The following AKAP7 variants were observed in gnomAD, a reference collection of about 807,000 sequenced individuals.
AKAP7 encodes the protein A kinase (PRKA) anchor protein 7.
AKAP7 carries 39 observed loss-of-function variants against 39.5 expected under a neutral mutation model. The ratio of observed to expected loss-of-function variants is 0.99; its 90% CI spans 0.76 to 1.29. The LOEUF (loss-of-function observed/expected upper bound fraction) is 1.29, where lower values mean the gene tolerates loss of function less well. Among genes scored for constraint, AKAP7 ranks in the 50% most tolerant of loss-of-function variants. The probability of loss-of-function intolerance (pLI) is 0.00; values close to 1 mark genes in which losing one functional copy is unlikely to be tolerated. For missense variants in AKAP7, 414 were observed against 407.7 expected (o/e 1.02, Z -0.13); for synonymous variants, 140 against 139.1 (o/e 1.01, Z -0.05).
intron 7 of AKAP7, among the ~76,000 whole-genome samples, chr6:131,234,315 G>C (rs1006666810): frequency 6.6e-6 from 1 of 152,172 alleles, no homozygotes; most frequent in African/African-American, 2.4e-5. Flanking sequence ...TTACTTTGTA[G>C]TGGGAAGTCA....
intron 6 of AKAP7, among the ~76,000 whole-genome samples, chr6:131,200,649 T>C (rs541839752): frequency 6.6e-6 from 1 of 152,288 alleles, no homozygotes; most frequent in East Asian, 1.9e-4. Context: ...CAGAAAGATA[T>C]CTTGCATGGT....
At chr6:131,255,911 AT>A (rs1405164490) in intron 7 of AKAP7, among the ~76,000 whole-genome samples, 1 of 151,542 alleles carries the variant, frequency 6.6e-6, no homozygotes, top group Admixed American at 6.6e-5. Flanking sequence ...CCTCCTCTTA[AT>A]TTATTTAATG....
intron 6 of AKAP7, among the ~76,000 whole-genome samples, chr6:131,213,552 C>T (rs553421376): frequency 3.9e-5 from 6 of 152,178 alleles, no homozygotes; most frequent in South Asian, 2.1e-4. Flanking sequence ...TTGTTACATT[C>T]GAGTGACCAC....
In AKAP7 at chr6:131,241,625, G is replaced by GTATATATATA. The variant is rs1372694997; in HGVS notation, c.850+21818_850+21819insATATATATAT. 3.4e-3 allele frequency among the ~76,000 whole-genome samples: 220 copies of GTATATATATA among 65,286 alleles called. 8 individuals carry two copies. The highest frequency in any genetic ancestry group is 6.0e-3 in the Middle Eastern group (1 of 168). The allele number at this position is 65,286 out of a possible 152,430, so 42.8% of individuals were successfully genotyped here. A position where few individuals can be genotyped will look rare whatever the true frequency, so the allele number is the denominator to read the frequency against. On this transcript the variant is annotated intron_variant, in intron 7 of 7. Transcript: ENST00000431975. ...TGTGTGTGTGTGTGTGTGTGTGTGT[G>GTATATATATA]TGTATATATATATGACAGTTATAGG...
chr6:131,174,391 T>C (rs1338818060), intron 5 of AKAP7, among the ~76,000 whole-genome samples: 3 of 152,260 alleles, frequency 2.0e-5, no homozygotes, highest in Non-Finnish European at 4.4e-5. Flanking sequence ...GTTCAGCACA[T>C]GGGATTTTTG....
At chr6:131,131,305 G>A (rs565396568), upstream of AKAP7, among the ~76,000 whole-genome samples, 1 of 152,108 alleles carries the variant, frequency 6.6e-6, no homozygotes, top group Non-Finnish European at 1.5e-5. Context: ...TAGATGCTTG[G>A]TTTAAAAACC....
intron 2 of AKAP7, among the ~76,000 whole-genome samples, chr6:131,152,521 G>A (rs1021025231): frequency 6.6e-6 from 1 of 152,168 alleles, no homozygotes; most frequent in Non-Finnish European, 1.5e-5. Context: ...GAGATGGTAT[G>A]CAAACAAGAG....
chr6:131,191,849 T>G (rs1267929181), intron 5 of AKAP7, among the ~76,000 whole-genome samples: 1 of 151,372 alleles, frequency 6.6e-6, no homozygotes, highest in Non-Finnish European at 1.5e-5. Flanking sequence ...CGTGGTGTTT[T>G]TTTTTTTTTT....
At chr6:131,233,233 G>A (rs1810775274) in intron 7 of AKAP7, among the ~76,000 whole-genome samples, 1 of 152,140 alleles carries the variant, frequency 6.6e-6, no homozygotes, top group Non-Finnish European at 1.5e-5. Flanking sequence ...TGGAGGAATT[G>A]GAGAGTATGT....
At chr6:131,163,630 T>C (rs1422553286) in intron 3 of AKAP7, among the ~76,000 whole-genome samples, 1 of 152,180 alleles carries the variant, frequency 6.6e-6, no homozygotes, top group African/African-American at 2.4e-5. Context: ...GAATTCTTTA[T>C]TAGTGGAAAA....
intron 7 of AKAP7, among the ~76,000 whole-genome samples, chr6:131,243,079 G>A (rs1422065089): frequency 1.3e-5 from 2 of 152,156 alleles, no homozygotes; most frequent in Non-Finnish European, 2.9e-5. Flanking sequence ...GGGACAGTGG[G>A]TGACTGTAAG....
chr6:131,215,486 G>GAGCTGAGGGAAGGCTGC (rs1317801974), intron 6 of AKAP7, among the ~76,000 whole-genome samples: 8 of 152,340 alleles, frequency 5.3e-5, no homozygotes, highest in Admixed American at 3.3e-4. Flanking sequence ...TGACTCAGAG[G>GAGCTGAGGGAAGGCTGC]AGCTGAGGGA....
intron 7 of AKAP7, among the ~76,000 whole-genome samples, chr6:131,241,617 GTGTGTGTGTGTA>G (rs1231865514): frequency 2.1e-5 from 2 of 97,216 alleles, no homozygotes; most frequent in African/African-American, 4.0e-5. Flanking sequence ...GTGTGTGTGT[GTGTGTGTGTGTA>G]TATATATATG....
In AKAP7 at chr6:131,163,005, G is replaced by T. The variant is rs200411695; in HGVS notation, c.292-2076G>T. 1.5e-4 allele frequency among the ~76,000 whole-genome samples: 22 copies of T among 150,186 alleles called. 1 individual carries two copies. Among genetic ancestry groups the T allele is most frequent in the South Asian group, 4.2e-4 (2 of 4,754 alleles). Reference sequence around the variant, plus strand: ...CACACATACACGCTCTTTCGCTCTCGCTCTCTCTCTCTCTCTGCTGCTGTT... The same window carrying T: ...CACACATACACGCTCTTTCGCTCTCTCTCTCTCTCTCTCTCTGCTGCTGTT... On this transcript the variant is annotated intron_variant, in intron 3 of 7. Transcript: ENST00000431975.
At chr6:131,128,600 A>T in the AKAP7 span, among the ~76,000 whole-genome samples, 1 of 152,138 alleles carries the variant, frequency 6.6e-6, no homozygotes, top group African/African-American at 2.4e-5. Context: ...AGGCAGGCGG[A>T]TCCCCTGAGG....
Position 131,253,055 on chromosome 6 carries a change from C to T in AKAP7, c.851-28475C>T, listed in dbSNP as rs200742770. On this transcript the variant is annotated intron_variant, in intron 7 of 7. Coordinates refer to ENST00000431975, the MANE Select transcript of AKAP7 (RefSeq NM_016377.4). ...AACACAGGTGAGTTGGAAAGCTCGTCCTCTGCAGTCCTACAGAGATACAGC... is the reference window on the plus strand; with the variant it reads ...AACACAGGTGAGTTGGAAAGCTCGTTCTCTGCAGTCCTACAGAGATACAGC... 5.6e-5 allele frequency: 91 copies of T among 1,613,546 alleles called. 2 individuals are homozygous for T. In the East Asian group the frequency reaches 1.9e-3, roughly 34 times the overall value.
rs1394208587 is a variant in AKAP7 at position 131,219,680 on chromosome 6, C to G, written c.722C>G (p.Pro241Arg). 6.3e-7 allele frequency: 1 copy of G among 1,594,416 alleles called. No individual in the cohort carries two copies. Among genetic ancestry groups the G allele is most frequent in the Non-Finnish European group, 8.5e-7 (1 of 1,171,584 alleles). ...TTCAAGGGAGTGAAAAAAATAGATCCTGATTTATATGAAAAGTTTATCAGT... is the reference window on the plus strand; with the variant it reads ...TTCAAGGGAGTGAAAAAAATAGATCGTGATTTATATGAAAAGTTTATCAGT... ...LRKNGVKKID[P>R]DLYEKFISHR... is the part of the protein sequence containing the mutation. Residue 241 changes from proline (P) to arginine (R), a missense_variant, in exon 7 of 8, where the codon CCT (proline) becomes CGT (arginine). Coordinates refer to ENST00000431975, the MANE Select transcript of AKAP7 (RefSeq NM_016377.4).
chr6:131,126,884 C>T, the AKAP7 span, among the ~76,000 whole-genome samples: 1 of 152,068 alleles, frequency 6.6e-6, no homozygotes, highest in Non-Finnish European at 1.5e-5. Flanking sequence ...GAGTGTTTTC[C>T]TGCCATTATT....
intron 5 of AKAP7, among the ~76,000 whole-genome samples, chr6:131,177,828 TC>T (rs1413768905): frequency 6.6e-6 from 1 of 152,194 alleles, no homozygotes; most frequent in African/African-American, 2.4e-5. Flanking sequence ...GCAACCGGAC[TC>T]CCTAAACATT....
Sources: allele counts gnomAD v4.1 joint callset (sites outside exome capture counted in the v4.1 genomes callset), GRCh38; gene constraint gnomAD v4.1.1; transcripts MANE v1.5; gene names NCBI Gene and HGNC (gene_info 2026-07-23, HGNC 2026-07-21).